BMP5: variants seen among roughly 807,000 people sequenced by gnomAD.
BMP5 encodes bone morphogenetic protein 5.
BMP5 carries 23 observed loss-of-function variants against 46.6 expected under a neutral mutation model. That is an observed-to-expected ratio of 0.49 (90% confidence interval 0.35 to 0.70). The LOEUF is 0.70. BMP5 is among the 30% of genes least tolerant of loss of function. The pLI is 0.00. For missense variants in BMP5, 545 were observed against 565.6 expected (o/e 0.96, Z 0.37); for synonymous variants, 204 against 191.9 (o/e 1.06, Z -0.52).
chr6:55,782,387 C>T (rs935936909), intron 3 of BMP5, among the ~76,000 whole-genome samples: 3 of 152,120 alleles, frequency 2.0e-5, no homozygotes, highest in South Asian at 2.1e-4. Flanking sequence ...TTTTCTTCAC[C>T]ATTTTTTCAT....
intron 3 of BMP5, among the ~76,000 whole-genome samples, chr6:55,793,820 A>G (rs1052839012): frequency 2.0e-5 from 3 of 152,044 alleles, no homozygotes; most frequent in African/African-American, 7.2e-5. Context: ...TTACTTCCCT[A>G]GTGTCTTTTT....
chr6:55,854,188 C>G (rs1001094040), intron 1 of BMP5, among the ~76,000 whole-genome samples: 1 of 151,958 alleles, frequency 6.6e-6, no homozygotes, highest in African/African-American at 2.4e-5. Flanking sequence ...CATGAAAAAA[C>G]TTTCAAAAAT....
At chr6:55,858,380 G>T (rs920672724) in intron 1 of BMP5, among the ~76,000 whole-genome samples, 1 of 151,942 alleles carries the variant, frequency 6.6e-6, no homozygotes, top group Non-Finnish European at 1.5e-5. Context: ...AGTTGAGTTG[G>T]CTGAAAAGAG....
intron 2 of BMP5, among the ~76,000 whole-genome samples, chr6:55,804,695 C>T (rs890728952): frequency 3.3e-5 from 5 of 152,006 alleles, no homozygotes; most frequent in African/African-American, 1.2e-4. Context: ...AATCAAATTA[C>T]AGTGCATTGA....
At chr6:55,802,638 C>A (rs903228686) in intron 2 of BMP5, among the ~76,000 whole-genome samples, 1 of 151,696 alleles carries the variant, frequency 6.6e-6, no homozygotes, top group Non-Finnish European at 1.5e-5. Flanking sequence ...CCAACTGCAA[C>A]CATGTGACTA....
rs1437862167 is a variant in BMP5, at chr6:55,774,237, C to G, written c.839G>C (p.Ser280Thr). 6.2e-7 allele frequency: 1 copy of G among 1,612,544 alleles called. No individual in the cohort carries two copies. The highest frequency in any genetic ancestry group is 8.5e-7 in the Non-Finnish European group (1 of 1,179,114). ...QLCAETGDGRSINVKSAGLVG... is the reference protein window; with the variant it reads ...QLCAETGDGRTINVKSAGLVG... ...AAGACCAGCAGATTTTACGTTGATA[C>G]TGCGTCCTAGAACGTAATACAAAAG... Residue 280 changes from serine (S) to threonine (T), a missense_variant, in exon 4 of 7, where the codon AGT becomes ACT. Ser to Thr is a moderately conservative substitution (Grantham distance 58). Transcript: ENST00000370830.
At chr6:55,778,585 C>T (rs1236077923) in intron 3 of BMP5, among the ~76,000 whole-genome samples, 2 of 151,786 alleles carry the variant, frequency 1.3e-5, no homozygotes, top group African/African-American at 4.8e-5. Flanking sequence ...TAAATATTTG[C>T]TCGTGAAAAG....
intron 3 of BMP5, among the ~76,000 whole-genome samples, chr6:55,791,892 G>T (rs1449846751): frequency 6.6e-6 from 1 of 152,128 alleles, no homozygotes; most frequent in Non-Finnish European, 1.5e-5. Context: ...TCTTGTTTGG[G>T]CCACATACCA....
In BMP5 at chr6:55,753,708, T is replaced by C. The variant is rs963515250; in HGVS notation, c.*1825A>G. The C allele has an allele frequency of 5.3e-5, 8 of 150,684 alleles. No individual in the cohort carries two copies. The highest frequency in any genetic ancestry group is 1.3e-4 in the Admixed American group (2 of 15,014). 9.3% of individuals were successfully genotyped at this position (150,684 alleles called of 1,614,324 possible). ...ATTATTAACAACACAAAAAACAATTTTGGCAATTAAGAACAACATAAAGAA... is the reference window on the plus strand; with the variant it reads ...ATTATTAACAACACAAAAAACAATTCTGGCAATTAAGAACAACATAAAGAA... On this transcript the variant is annotated 3_prime_UTR_variant, in exon 7 of 7. Transcript: ENST00000370830.
chr6:55,858,315 T>C (rs972130395), intron 1 of BMP5, among the ~76,000 whole-genome samples: 3 of 152,208 alleles, frequency 2.0e-5, no homozygotes, highest in Admixed American at 6.5e-5. Flanking sequence ...GGTATGTTTT[T>C]AAAATTCTTA....
At chr6:55,870,327 C>T (rs1777753761) in intron 1 of BMP5, among the ~76,000 whole-genome samples, 2 of 151,774 alleles carry the variant, frequency 1.3e-5, no homozygotes. Context: ...TCCCGTTGGT[C>T]GTGATTATGA....
At chr6:55,837,528 T>C (rs1776845509) in intron 1 of BMP5, among the ~76,000 whole-genome samples, 1 of 152,158 alleles carries the variant, frequency 6.6e-6, no homozygotes. Context: ...GTTTTGTGGA[T>C]ACATAGTAGG....
intron 1 of BMP5, among the ~76,000 whole-genome samples, chr6:55,840,136 C>T (rs560361618): frequency 9.2e-5 from 14 of 152,016 alleles, no homozygotes; most frequent in East Asian, 3.9e-4. Context: ...TTTGATACTA[C>T]GGTAAATATT....
intron 3 of BMP5, among the ~76,000 whole-genome samples, chr6:55,777,539 CA>C (rs1775206025): frequency 6.6e-6 from 1 of 151,646 alleles, no homozygotes; most frequent in African/African-American, 2.4e-5. Context: ...GGTGAGGTAA[CA>C]AAAAGAACAT....
chr6:55,851,712 T>C (rs1777247928), intron 1 of BMP5, among the ~76,000 whole-genome samples: 2 of 152,182 alleles, frequency 1.3e-5, no homozygotes, highest in South Asian at 2.1e-4. Context: ...GGATTAAGTA[T>C]TACAAAAGTA....
In BMP5 at chr6:55,794,260, T is replaced by C; in HGVS notation, c.832+19A>G. ...GTCAAACAAGCTTCACAAAAAAATA[T>C]ATAAAATTCAGTGCTTACCATCCCC... On this transcript the variant is annotated intron_variant, in intron 3 of 6. Transcript: ENST00000370830. 2 of 1,613,538 alleles carry C rather than the reference T, an allele frequency of 1.2e-6. No homozygotes were observed. Among genetic ancestry groups the C allele is most frequent in the Non-Finnish European group, 1.7e-6 (2 of 1,179,686 alleles).
intron 2 of BMP5, among the ~76,000 whole-genome samples, chr6:55,815,205 A>C (rs1013987389): frequency 5.1e-4 from 77 of 152,218 alleles, no homozygotes; most frequent in African/African-American, 1.8e-3. Context: ...TTGAAAAAAT[A>C]ATTAGTAAAA....
chr6:55,784,001 T>C (rs1439394831), intron 3 of BMP5, among the ~76,000 whole-genome samples: 2 of 151,986 alleles, frequency 1.3e-5, no homozygotes, highest in Non-Finnish European at 2.9e-5. Context: ...AAAACCTTTT[T>C]TCATATATGT....
intron 1 of BMP5, among the ~76,000 whole-genome samples, chr6:55,871,355 T>TGA (rs1341373741): frequency 7.9e-5 from 12 of 151,926 alleles, no homozygotes; most frequent in Non-Finnish European, 1.5e-4. Flanking sequence ...TTTAATACTA[T>TGA]GAGACTGATA....
Sources: gnomAD v4.1 joint callset for allele counts (sites outside exome capture counted in the v4.1 genomes callset) on GRCh38, gnomAD v4.1.1 for gene constraint, MANE v1.5 for transcripts, NCBI Gene and HGNC (gene_info 2026-07-23, HGNC 2026-07-21) for gene names.